Variants in MAP3K4 observed in about 807,000 individuals in gnomAD.
MAP3K4 encodes MAP three kinase 1.
In MAP3K4, 67 loss-of-function variants were observed where a neutral mutation model predicts 185.6. That is an observed-to-expected ratio of 0.36 (90% CI 0.30 to 0.44). The LOEUF is 0.44. MAP3K4 is among the 20% of genes least tolerant of loss of function. The pLI is 1.00. For missense variants in MAP3K4, 1,551 were observed against 1,995.1 expected, an observed-to-expected ratio of 0.78 and a Z score of 4.24; for synonymous variants, 702 against 710.4, an observed-to-expected ratio of 0.99 and a Z score of 0.19.
At chr6:161,029,398 T>C (rs749501327) in intron 1 of MAP3K4, among the ~76,000 whole-genome samples, 7 of 152,190 alleles carry the variant, frequency 4.6e-5, no homozygotes, top group Non-Finnish European at 8.8e-5. Context: ...CCTAAGTAAC[T>C]TGAATTTTTG....
rs965659202 is a variant in MAP3K4 at position 161,107,079 on chromosome 6, C to G, written c.4048+374C>G. 6.6e-6 allele frequency among the ~76,000 whole-genome samples: 1 copy of G among 150,692 alleles called. No individual in the cohort carries two copies. Among genetic ancestry groups the G allele is most frequent in the Non-Finnish European group, 1.5e-5 (1 of 67,976 alleles). ...ACACACACACACACACACACACACA[C>G]GCAGAACGTGATTTGAAGAGAGACT... is the stretch of plus-strand genomic sequence containing the variant. On this transcript the variant is annotated intron_variant, in intron 20 of 26. Transcript: ENST00000392142. This position sits in a 1 kb window ranked among gnomAD's most constrained non-coding sequence, Gnocchi z 6.2.
chr6:161,014,923 A>G (rs570745640), intron 1 of MAP3K4, among the ~76,000 whole-genome samples: 1 of 151,912 alleles, frequency 6.6e-6, no homozygotes, highest in South Asian at 2.1e-4. Context: ...CCGGTCCCCA[A>G]CCCTCCCACT....
At position 161,034,130 on chromosome 6, in the gene MAP3K4, G is replaced by A. The variant is rs1783050955; in HGVS notation, c.153-129G>A. On this transcript the variant is annotated intron_variant, in intron 1 of 26. Transcript: ENST00000392142. The surrounding 1 kb of genome is among the most constrained non-coding windows in gnomAD (Gnocchi z 4.4). ...TTGAGTTTTCACAGGTAAAAATGAG[G>A]AGGAGCACAGTGCTGAAGAGATTTT... 4 of 636,814 alleles carry A rather than the reference G, an allele frequency of 6.3e-6. No individual in the cohort carries two copies. Among genetic ancestry groups the A allele is most frequent in the Admixed American group, 6.4e-5 (2 of 31,354 alleles). 39.4% of individuals were successfully genotyped at this position (636,814 alleles called of 1,614,324 possible).
chr6:161,098,361 G>A lies in MAP3K4; in HGVS notation c.3608G>A (p.Ser1203Asn), dbSNP rs766361908. ...GCTGCTGCTGCTGCTGTTGCTGCCA[G>A]TCGGCCCAGCCCCTCTGGTGGTGAC... The part of the protein sequence containing the change: ...AAAAAAAVAA[S>N]RPSPSGGDSV... The change falls in exon 17 of 27, where the codon AGT (serine) becomes AAT (asparagine). Residue 1203 changes from serine to asparagine, a missense_variant. Transcript: ENST00000392142. The surrounding 1 kb of genome is among the most constrained non-coding windows in gnomAD (Gnocchi z 4.4). 6.2e-7 allele frequency: 1 copy of A among 1,613,766 alleles called. No individual in the cohort carries two copies. The highest frequency in any genetic ancestry group is 1.7e-5 in the Admixed American group (1 of 60,006).
chr6:161,040,060 C>G (rs534470206), intron 2 of MAP3K4, among the ~76,000 whole-genome samples: 19 of 152,232 alleles, frequency 1.2e-4, no homozygotes, highest in Admixed American at 9.2e-4. Context: ...AGATATTGTG[C>G]GTGTCATTCT....
rs771704039 is a variant in MAP3K4, at chr6:161,106,625, A to G, written c.3968A>G (p.Asp1323Gly). 6.2e-6 allele frequency: 10 copies of G among 1,613,980 alleles called. No homozygotes were observed. The South Asian group carries it at 8.8e-5, about 14-fold the overall frequency. The change falls in exon 20 of 27, where the codon GAT (aspartate) becomes GGT (glycine). Residue 1323 changes from aspartate (D) to glycine (G), a missense_variant. Transcript: ENST00000392142. The surrounding 1 kb of genome is among the most constrained non-coding windows in gnomAD (Gnocchi z 4.9). The stretch of plus-strand genomic sequence containing the variant: ...AAGAATATCATTGGTCAAGTTTGTG[A>G]TACGCCTAAGTCCTATGATAATGTT... ...RRKNIIGQVC[D>G]TPKSYDNVMH... is the part of the protein sequence containing the mutation.
At position 161,084,446 on chromosome 6, in the gene MAP3K4, G is replaced by T; in HGVS notation, c.2256-55G>T. On this transcript the variant is annotated intron_variant, in intron 6 of 26. Coordinates refer to ENST00000392142, the MANE Select transcript of MAP3K4 (RefSeq NM_005922.4). This position sits in a 1 kb window ranked among gnomAD's most constrained non-coding sequence, Gnocchi z 4.6. ...TTCAAGTTTCTCAGTCAAGAATTAG[G>T]CTATGAGTAGGGACAGTTTTCTTCT... The T allele has an allele frequency of 1.2e-6, 1 of 850,946 alleles. No individual in the cohort carries two copies. Among genetic ancestry groups the T allele is most frequent in the South Asian group, 1.4e-5 (1 of 73,590 alleles). The allele number at this position is 850,946 out of a possible 1,614,324, so 52.7% of individuals were successfully genotyped here.
chr6:161,030,345 T>A (rs1782866439), intron 1 of MAP3K4, among the ~76,000 whole-genome samples: 1 of 152,218 alleles, frequency 6.6e-6, no homozygotes, highest in African/African-American at 2.4e-5. Context: ...ATATATTTTT[T>A]ATCATTATAA....
intron 3 of MAP3K4, among the ~76,000 whole-genome samples, chr6:161,052,930 A>C (rs1471460070): frequency 6.6e-6 from 1 of 152,196 alleles, no homozygotes; most frequent in East Asian, 1.9e-4. Flanking sequence ...AAGCCTTTGC[A>C]TTTATAGAGT....
chr6:161,023,482 T>C (rs145422225), intron 1 of MAP3K4, among the ~76,000 whole-genome samples: 4 of 152,324 alleles, frequency 2.6e-5, no homozygotes, highest in African/African-American at 9.6e-5. Flanking sequence ...AACTTCTCCA[T>C]GAGGATGGAA....
chr6:161,050,465 A>G (rs1033134157), intron 3 of MAP3K4, among the ~76,000 whole-genome samples: 3 of 152,238 alleles, frequency 2.0e-5, no homozygotes, highest in Admixed American at 2.0e-4. Flanking sequence ...TAAATTATAG[A>G]GAAATGTCAG....
In MAP3K4 at chr6:161,063,460, G is replaced by A. The variant is rs1784568346; in HGVS notation, c.1708-7148G>A. On this transcript the variant is annotated intron_variant, in intron 3 of 26. Transcript: ENST00000392142. The surrounding 1 kb of genome is among the most constrained non-coding windows in gnomAD (Gnocchi z 5.4). Reference sequence around the variant, plus strand: ...TACTTGTTTCCATGAACTTAAAGGAGAGAGGGAGTTAGGAAAGTGTTTGGG... The same window carrying A: ...TACTTGTTTCCATGAACTTAAAGGAAAGAGGGAGTTAGGAAAGTGTTTGGG... 6.6e-6 allele frequency among the ~76,000 whole-genome samples: 1 copy of A among 152,104 alleles called. No homozygotes were observed. The highest frequency in any genetic ancestry group is 2.4e-5 in the African/African-American group (1 of 41,414).
chr6:161,015,278 G>T (rs770455715), intron 1 of MAP3K4, among the ~76,000 whole-genome samples: 2 of 151,844 alleles, frequency 1.3e-5, no homozygotes, highest in African/African-American at 2.4e-5. Flanking sequence ...GGACACATGG[G>T]GGGGAAACAG....
intron 23 of MAP3K4, among the ~76,000 whole-genome samples, chr6:161,111,526 A>G (rs1562549407): frequency 6.6e-6 from 1 of 152,038 alleles, no homozygotes; most frequent in Non-Finnish European, 1.5e-5. Flanking sequence ...CACAACAAGC[A>G]CTTGTGTTTT....
intron 19 of MAP3K4, among the ~76,000 whole-genome samples, chr6:161,104,279 T>C (rs1314527201): frequency 6.6e-6 from 1 of 151,820 alleles, no homozygotes; most frequent in African/African-American, 2.4e-5. Flanking sequence ...CCAGGCAAGA[T>C]GGCACATACC....
Position 161,091,475 on chromosome 6 carries a change from G to T in MAP3K4, c.3070G>T (p.Glu1024Ter). The T allele has an allele frequency of 6.2e-7, 1 of 1,614,100 alleles. No individual in the cohort carries two copies. Among genetic ancestry groups the T allele is most frequent in the South Asian group, 1.1e-5 (1 of 91,084 alleles). The change falls in exon 12 of 27, where the codon GAA becomes TAA. Residue 1024 changes from glutamate (E) to a stop codon, truncating the protein, a stop_gained. Transcript: ENST00000392142. LOFTEE classifies it high-confidence loss of function. The surrounding 1 kb of genome is among the most constrained non-coding windows in gnomAD (Gnocchi z 5.5). ...SEFDAEVDES[E>*]SVTLQQYYRE... ...ATTTGATGCTGAGGTTGATGAATCT[G>T]AATCTGTCACCTTGCAACAGTACTA...
Position 161,116,986 on chromosome 6 carries a change from T to C in MAP3K4, c.*116T>C. 1.1e-6 allele frequency: 1 copy of C among 937,332 alleles called. No individual in the cohort carries two copies. The highest frequency in any genetic ancestry group is 1.7e-6 in the Non-Finnish European group (1 of 593,008). The allele number at this position is 937,332 out of a possible 1,614,324, so 58.1% of individuals were successfully genotyped here. A position where few individuals can be genotyped will look rare whatever the true frequency, so the allele number is the denominator to read the frequency against. ...TTTTTAACCTTCCAAGACTGAAGAC[T>C]GCACAGGTGACAAGCGTCACTTCTC... On this transcript the variant is annotated 3_prime_UTR_variant, in exon 27 of 27. Transcript: ENST00000392142. This position sits in a 1 kb window ranked among gnomAD's most constrained non-coding sequence, Gnocchi z 6.2.
chr6:161,069,420 G>A (rs111948681), intron 3 of MAP3K4, among the ~76,000 whole-genome samples: 29 of 152,294 alleles, frequency 1.9e-4, no homozygotes, highest in African/African-American at 6.5e-4. Flanking sequence ...TGGGGAGGCA[G>A]CATGGGCAGC....
chr6:161,108,865 C>G lies in MAP3K4; in HGVS notation c.4236+6C>G. 1 of 1,607,972 alleles carries G rather than the reference C, an allele frequency of 6.2e-7. No individual in the cohort carries two copies. The highest frequency in any genetic ancestry group is 8.5e-7 in the Non-Finnish European group (1 of 1,174,392). On this transcript the variant is annotated splice_donor_region_variant and intron_variant, in intron 22 of 26. Coordinates refer to ENST00000392142, the MANE Select transcript of MAP3K4 (RefSeq NM_005922.4). The surrounding 1 kb of genome is among the most constrained non-coding windows in gnomAD (Gnocchi z 5.7). ...TTGGTGTGGAGCTCCATAGAGTAAGCCGACCCTAATGCCACTCTTTGTGTG... is the reference window on the plus strand; with the variant it reads ...TTGGTGTGGAGCTCCATAGAGTAAGGCGACCCTAATGCCACTCTTTGTGTG...
Sources: allele counts gnomAD v4.1 joint callset (sites outside exome capture counted in the v4.1 genomes callset), GRCh38; gene constraint gnomAD v4.1.1; non-coding constraint Gnocchi (gnomAD v3.1); transcripts MANE v1.5; gene names NCBI Gene and HGNC (gene_info 2026-07-23, HGNC 2026-07-21).